The following EML6 variants were observed in gnomAD, a reference collection of about 807,000 sequenced individuals.
The protein encoded by EML6 is EMAP like 6, also known as echinoderm microtubule-associated protein-like 6.
Under a neutral mutation model 240.1 loss-of-function variants are expected in EML6, and 154 were observed. The ratio of observed to expected loss-of-function variants is 0.64; its 90% CI spans 0.56 to 0.73. The LOEUF is 0.73. EML6 is among the 30% of genes least tolerant of loss of function. EML6 has a pLI of 0.00. For missense variants in EML6, 2,964 were observed against 2,474.6 expected (o/e 1.20, Z -4.20); for synonymous variants, 1,148 against 899.0 (o/e 1.28, Z -4.95).
chr2:54,847,525 T>C lies in EML6; in HGVS notation c.1089T>C (p.Cys363=). 6.4e-7 allele frequency: 1 copy of C among 1,552,114 alleles called. No homozygotes were observed. Among genetic ancestry groups the C allele is most frequent in the Non-Finnish European group, 8.7e-7 (1 of 1,147,094 alleles). ...CTGATCATGCCTTGATCGCCCGCTGTAACATGGAAGAGGCGGTTCGCAGTG... is the reference window on the plus strand; with the variant it reads ...CTGATCATGCCTTGATCGCCCGCTGCAACATGGAAGAGGCGGTTCGCAGTG... ...SLADHALIAR[C]NMEEAVRSVA... The change falls in exon 9 of 42, where the codon TGT becomes TGC. Residue 363 remains cysteine (C), a synonymous_variant. Transcript: ENST00000356458.
intron 2 of EML6, among the ~76,000 whole-genome samples, chr2:54,802,662 A>ACTACTACTACTACTGCTACTG (rs1199239601): frequency 1.9e-4 from 28 of 145,684 alleles, no homozygotes; most frequent in African/African-American, 6.6e-4. Context: ...TACTACTACT[A>ACTACTACTACTACTGCTACTG]CTACTGCTAC....
chr2:54,919,358 G>A (rs140282427), intron 26 of EML6, among the ~76,000 whole-genome samples: 1 of 151,018 alleles, frequency 6.6e-6, no homozygotes, highest in East Asian at 2.0e-4. Context: ...TGCTACTCCT[G>A]TCATTTGTAC....
Position 54,952,480 on chromosome 2 carries a change from C to G in EML6, c.4214-114C>G, listed in dbSNP as rs538580351. 1.7e-4 allele frequency: 107 copies of G among 612,122 alleles called. 1 individual carries two copies. Among genetic ancestry groups the G allele is most frequent in the South Asian group, 1.5e-3 (64 of 42,672 alleles). The allele number at this position is 612,122 out of a possible 1,614,324, so 37.9% of individuals were successfully genotyped here. A position where few individuals can be genotyped will look rare whatever the true frequency, so the allele number is the denominator to read the frequency against. ...GATTCTGGAAGTGAGAATTTGAGGG[C>G]TGTAAGCTCTCACTTTTATAAGAAG... On this transcript the variant is annotated intron_variant, in intron 30 of 41. Coordinates refer to ENST00000356458, the MANE Select transcript of EML6 (RefSeq NM_001039753.4).
At chr2:54,897,683 C>G (rs1672841941) in intron 21 of EML6, among the ~76,000 whole-genome samples, 2 of 99,554 alleles carry the variant, frequency 2.0e-5, no homozygotes, top group Non-Finnish European at 4.0e-5. Context: ...TACATGTGTA[C>G]CATTCTCTCC....
At position 54,944,806 on chromosome 2, in the gene EML6, C is replaced by A. The variant is rs115087921; in HGVS notation, c.4005-4076C>A. 3.0e-3 allele frequency among the ~76,000 whole-genome samples: 454 copies of A among 152,140 alleles called. 1 individual carries two copies. Among genetic ancestry groups the A allele is most frequent in the African/African-American group, 0.011 (437 of 41,446 alleles). On this transcript the variant is annotated intron_variant, in intron 28 of 41. Coordinates refer to ENST00000356458, the MANE Select transcript of EML6 (RefSeq NM_001039753.4). Reference sequence around the variant, plus strand: ...ATTCTGGAAGACATAGGAATACACTCAACAGAGTCCAGTTCTTAGGAATAC... The same window carrying A: ...ATTCTGGAAGACATAGGAATACACTAAACAGAGTCCAGTTCTTAGGAATAC...
chr2:54,899,925 C>A, intron 22 of EML6, 143 bp downstream of exon 22: 1 of 829,974 alleles, frequency 1.2e-6, no homozygotes, highest in Non-Finnish European at 1.8e-6. Flanking sequence ...ATATTGGTTG[C>A]TACAGTCATA....
At chr2:54,933,638 G>T (rs1449241382) in intron 28 of EML6, among the ~76,000 whole-genome samples, 5 of 151,980 alleles carry the variant, frequency 3.3e-5, no homozygotes, top group African/African-American at 1.2e-4. Context: ...GGAGGCTGAG[G>T]CACCAATCGC....
intron 24 of EML6, among the ~76,000 whole-genome samples, chr2:54,906,850 C>G (rs758111660): frequency 8.5e-5 from 13 of 152,202 alleles, no homozygotes; most frequent in Non-Finnish European, 1.3e-4. Context: ...GCCTAGCTTT[C>G]ACAGCAGGGG....
chr2:54,960,116 A>G (rs531681979), intron 34 of EML6, 104 bp from the exon 35 acceptor site: 29 of 854,766 alleles, frequency 3.4e-5, no homozygotes, highest in Middle Eastern at 2.3e-4. Flanking sequence ...CTGGGCCCCA[A>G]CTGGCCAGAA....
intron 2 of EML6, among the ~76,000 whole-genome samples, chr2:54,760,252 T>G (rs953002310): frequency 6.6e-6 from 1 of 152,106 alleles, no homozygotes; most frequent in African/African-American, 2.4e-5. Flanking sequence ...AGCTTTCATT[T>G]CCTGTCCTGG....
At chr2:54,778,944 A>G (rs78832985) in intron 2 of EML6, among the ~76,000 whole-genome samples, 6,144 of 151,316 alleles carry the variant, frequency 0.041, 435 homozygotes, top group African/African-American at 0.14. Flanking sequence ...TAATAAATAT[A>G]TCAAATATAT....
chr2:54,725,163 G>A lies in EML6; in HGVS notation c.102G>A (p.Lys34=). The A allele has an allele frequency of 1.3e-6, 2 of 1,534,318 alleles. No individual in the cohort carries two copies. Among genetic ancestry groups the A allele is most frequent in the Non-Finnish European group, 1.8e-6 (2 of 1,138,542 alleles). The change falls in exon 2 of 42, where the codon AAG becomes AAA. Residue 34 remains lysine (K), a synonymous_variant. Transcript: ENST00000356458. The surrounding 1 kb of genome is among the most constrained non-coding windows in gnomAD (Gnocchi z 4.3). ...ACAACCTGTACTACACGGCAGGCAA[G>A]GAGGTGGTCTACTTTGTGGCTGGGG... The part of the protein sequence containing the change: ...CRNNLYYTAG[K]EVVYFVAGVG...
intron 5 of EML6, among the ~76,000 whole-genome samples, chr2:54,824,337 CAA>C (rs1558580910): frequency 6.6e-6 from 1 of 152,126 alleles, no homozygotes; most frequent in African/African-American, 2.4e-5. Context: ...ATTTTTACCT[CAA>C]AGAATCTGGA....
At chr2:54,838,490 T>G (rs1047682832) in intron 7 of EML6, among the ~76,000 whole-genome samples, 1 of 152,228 alleles carries the variant, frequency 6.6e-6, no homozygotes, top group East Asian at 1.9e-4. Flanking sequence ...ATCCAGTTCA[T>G]ATATTTAACT....
intron 28 of EML6, among the ~76,000 whole-genome samples, chr2:54,929,383 CTT>C (rs1415120576): frequency 1.3e-5 from 2 of 152,138 alleles, no homozygotes; most frequent in Non-Finnish European, 2.9e-5. Context: ...TTGTCAAACA[CTT>C]TAGCATTTCT....
At chr2:54,815,183 A>C (rs1042793034) in intron 3 of EML6, among the ~76,000 whole-genome samples, 1 of 152,082 alleles carries the variant, frequency 6.6e-6, no homozygotes, top group Non-Finnish European at 1.5e-5. Context: ...ATGTTAATTT[A>C]TGTTAGAATC....
chr2:54,935,168 G>C (rs1233077089), intron 28 of EML6, among the ~76,000 whole-genome samples: 1 of 152,080 alleles, frequency 6.6e-6, no homozygotes, highest in East Asian at 1.9e-4. Flanking sequence ...CCTTTGGTTG[G>C]GTGTACGTGT....
At chr2:54,823,110 A>G (rs1572954251) in intron 5 of EML6, among the ~76,000 whole-genome samples, 1 of 152,322 alleles carries the variant, frequency 6.6e-6, no homozygotes, top group East Asian at 1.9e-4. Context: ...AAGAAGAAAA[A>G]CAGACGCCAC....
At chr2:54,896,372 A>G (rs566019480) in intron 21 of EML6, among the ~76,000 whole-genome samples, 1 of 152,160 alleles carries the variant, frequency 6.6e-6, no homozygotes, top group Middle Eastern at 3.2e-3. Flanking sequence ...ACATAAGCAA[A>G]TTGCATCCTC....
Sources: allele counts gnomAD v4.1 joint callset (sites outside exome capture counted in the v4.1 genomes callset), GRCh38; gene constraint gnomAD v4.1.1; non-coding constraint Gnocchi (gnomAD v3.1); transcripts MANE v1.5; gene names NCBI Gene and HGNC (gene_info 2026-07-23, HGNC 2026-07-21).